Variants in NKAIN2 observed in about 807,000 individuals in gnomAD.
NKAIN2 encodes the protein sodium/potassium transporting ATPase interacting 2.
NKAIN2 carries 14 observed loss-of-function variants against 32.6 expected under a neutral mutation model. The observed-to-expected ratio is 0.43, with a 90% CI of 0.28 to 0.67. The LOEUF (loss-of-function observed/expected upper bound fraction) is 0.67, where lower values mean the gene tolerates loss of function less well. Ranked by LOEUF, NKAIN2 falls within the 30% of genes least tolerant of loss-of-function variation. The pLI is 0.17. For synonymous variants in NKAIN2, 80 were observed against 87.2 expected, an observed-to-expected ratio of 0.92 and a Z score of 0.46; for missense variants, 198 against 258.3, an observed-to-expected ratio of 0.77 and a Z score of 1.60.
At chr6:124,348,637 C>T (rs892012076) in intron 2 of NKAIN2, among the ~76,000 whole-genome samples, 3 of 152,220 alleles carry the variant, frequency 2.0e-5, no homozygotes, top group Non-Finnish European at 4.4e-5. Context: ...CAAATAGGAA[C>T]AGCTCCGGTC....
chr6:123,946,334 A>G (rs537567699), intron 1 of NKAIN2, among the ~76,000 whole-genome samples: 1 of 152,252 alleles, frequency 6.6e-6, no homozygotes, highest in East Asian at 1.9e-4. Flanking sequence ...AATGCCATTA[A>G]ATATATTTAT....
At chr6:124,665,852 GATA>G (rs1772769486) in intron 4 of NKAIN2, among the ~76,000 whole-genome samples, 2 of 152,266 alleles carry the variant, frequency 1.3e-5, no homozygotes, top group South Asian at 4.1e-4. Flanking sequence ...CCTTTTATCA[GATA>G]ATGAGTCTGT....
Position 124,037,697 on chromosome 6 carries a change from C to T in NKAIN2, c.54+233443C>T, listed in dbSNP as rs958370065. 1.6e-4 allele frequency among the ~76,000 whole-genome samples: 24 copies of T among 151,950 alleles called. 1 individual carries two copies. Among genetic ancestry groups the T allele is most frequent in the Admixed American group, 1.4e-3 (22 of 15,232 alleles). On this transcript the variant is annotated intron_variant, in intron 1 of 6. Transcript: ENST00000368417. ...GTGCCATGTTATAATAACATTTGTC[C>T]GAAGACTACAGTTACGGAATTCCAA...
At chr6:124,550,183 G>A (rs2114865128) in intron 3 of NKAIN2, among the ~76,000 whole-genome samples, 1 of 152,180 alleles carries the variant, frequency 6.6e-6, no homozygotes, top group East Asian at 1.9e-4. Flanking sequence ...AATTTATTCA[G>A]TTATTTAATT....
intron 1 of NKAIN2, among the ~76,000 whole-genome samples, chr6:124,041,097 G>A (rs1182660710): frequency 6.6e-6 from 1 of 151,964 alleles, no homozygotes; most frequent in Non-Finnish European, 1.5e-5. Flanking sequence ...CACATTTTAG[G>A]AAGTCATGTG....
At chr6:124,047,454 A>ATATG (rs946025924) in intron 1 of NKAIN2, among the ~76,000 whole-genome samples, 3 of 152,002 alleles carry the variant, frequency 2.0e-5, no homozygotes, top group African/African-American at 7.2e-5. Flanking sequence ...CTCTCTATAT[A>ATATG]TATATAGTTA....
intron 1 of NKAIN2, among the ~76,000 whole-genome samples, chr6:124,262,393 C>T (rs776262036): frequency 3.9e-5 from 6 of 152,188 alleles, no homozygotes; most frequent in Non-Finnish European, 7.4e-5. Flanking sequence ...AAGGGCTACT[C>T]ATCTCTCTTG....
chr6:124,481,749 C>T (rs1383902052), intron 3 of NKAIN2, among the ~76,000 whole-genome samples: 1 of 151,978 alleles, frequency 6.6e-6, no homozygotes, highest in East Asian at 1.9e-4. Flanking sequence ...TTTAGATATT[C>T]ATTAAGAGAG....
chr6:124,522,968 C>G (rs1779171599), intron 3 of NKAIN2, among the ~76,000 whole-genome samples: 1 of 149,554 alleles, frequency 6.7e-6, no homozygotes, highest in Non-Finnish European at 1.5e-5. Flanking sequence ...ACGGTGAAAC[C>G]CCGTCTCTAC....
At chr6:124,449,789 C>G (rs559313736) in intron 3 of NKAIN2, among the ~76,000 whole-genome samples, 3 of 151,996 alleles carry the variant, frequency 2.0e-5, no homozygotes, top group Non-Finnish European at 2.9e-5. Flanking sequence ...TTGGCATAGT[C>G]GTGATGGTTT....
chr6:124,310,848 G>A (rs1796684189), intron 2 of NKAIN2, among the ~76,000 whole-genome samples: 1 of 152,110 alleles, frequency 6.6e-6, no homozygotes, highest in South Asian at 2.1e-4. Context: ...AGCAGCAAAA[G>A]GAAGGCAGCG....
At chr6:123,929,210 A>C (rs1309255306) in intron 1 of NKAIN2, among the ~76,000 whole-genome samples, 2 of 152,152 alleles carry the variant, frequency 1.3e-5, no homozygotes, top group African/African-American at 2.4e-5. Context: ...TTTATACTTC[A>C]GCAAATAATG....
rs959429678 is a variant in NKAIN2 at position 123,964,936 on chromosome 6, C to G, written c.54+160682C>G. Among the ~76,000 whole-genome samples the G allele has an allele frequency of 6.6e-6, 1 of 152,098 alleles. No homozygotes were observed. Among genetic ancestry groups the G allele is most frequent in the Admixed American group, 6.6e-5 (1 of 15,264 alleles). ...TTGCCCTCTTTAAGTCCTATTTTGC[C>G]CTATTTAAGCCCTTGCTTAAATTGA... On this transcript the variant is annotated intron_variant, in intron 1 of 6. Coordinates refer to ENST00000368417, the MANE Select transcript of NKAIN2 (RefSeq NM_001040214.3). The surrounding 1 kb of genome is among the most constrained non-coding windows in gnomAD (Gnocchi z 4.0).
chr6:123,886,935 T>A (rs564869573), intron 1 of NKAIN2, among the ~76,000 whole-genome samples: 1 of 152,244 alleles, frequency 6.6e-6, no homozygotes, highest in African/African-American at 2.4e-5. Context: ...ATCCTCTTGC[T>A]TGGTTGAGGC....
chr6:124,779,785 C>T (rs946702455), intron 4 of NKAIN2, among the ~76,000 whole-genome samples: 7 of 152,080 alleles, frequency 4.6e-5, no homozygotes, highest in African/African-American at 1.7e-4. Flanking sequence ...AAAGTGCTAC[C>T]CAGATGATTC....
intron 1 of NKAIN2, among the ~76,000 whole-genome samples, chr6:123,951,006 G>T (rs1267476556): frequency 2.6e-5 from 4 of 151,772 alleles, no homozygotes; most frequent in Admixed American, 6.6e-5. Context: ...TTTATGTCAA[G>T]AAATTTTTTC....
chr6:124,810,236 A>C (rs1172793813), intron 5 of NKAIN2, among the ~76,000 whole-genome samples: 1 of 151,910 alleles, frequency 6.6e-6, no homozygotes, highest in African/African-American at 2.4e-5. Flanking sequence ...ACCAACCCAA[A>C]TGTCCAACAA....
chr6:124,336,612 G>A (rs922075135), intron 2 of NKAIN2, among the ~76,000 whole-genome samples: 3 of 150,638 alleles, frequency 2.0e-5, no homozygotes, highest in African/African-American at 4.9e-5. Flanking sequence ...TTTAAACCAC[G>A]TGTAATTTAG....
At chr6:124,290,194 A>T (rs1795736506) in intron 2 of NKAIN2, among the ~76,000 whole-genome samples, 2 of 152,174 alleles carry the variant, frequency 1.3e-5, no homozygotes, top group South Asian at 4.1e-4. Flanking sequence ...TTCTACAAGA[A>T]GATACTTTGT....
Sources: allele counts gnomAD v4.1 joint callset (sites outside exome capture counted in the v4.1 genomes callset), GRCh38; gene constraint gnomAD v4.1.1; non-coding constraint Gnocchi (gnomAD v3.1); transcripts MANE v1.5; gene names NCBI Gene and HGNC (gene_info 2026-07-23, HGNC 2026-07-21).